Variants in CPLX2 observed in about 807,000 individuals in gnomAD.
The protein encoded by CPLX2 is complexin 2, also known as complexin-2.
Under a neutral mutation model 16.3 loss-of-function variants are expected in CPLX2, and 5 were observed. That is an observed-to-expected ratio of 0.31 (90% confidence interval 0.16 to 0.64). CPLX2 has a LOEUF of 0.64. Ranked by LOEUF, CPLX2 falls within the 30% of genes least tolerant of loss-of-function variation. The pLI, the probability that CPLX2 is intolerant of heterozygous loss-of-function variation, is 0.79. For synonymous variants in CPLX2, 89 were observed against 73.2 expected, an observed-to-expected ratio of 1.22 and a Z score of -1.10; for missense variants, 144 against 181.4, an observed-to-expected ratio of 0.79 and a Z score of 1.18.
intron 2 of CPLX2, among the ~76,000 whole-genome samples, chr5:175,814,867 C>T (rs1018340706): frequency 7.2e-5 from 11 of 152,158 alleles, no homozygotes; most frequent in African/African-American, 2.4e-4. Context: ...TGAGTCACAG[C>T]CCCAGGAGGG....
intron 2 of CPLX2, among the ~76,000 whole-genome samples, chr5:175,864,709 T>A (rs1759433760): frequency 6.6e-6 from 1 of 152,122 alleles, no homozygotes; most frequent in Non-Finnish European, 1.5e-5. Context: ...GCTCTCCATA[T>A]ATGTTAGATA....
chr5:175,807,837 T>G (rs1433295155), intron 1 of CPLX2, among the ~76,000 whole-genome samples: 1 of 152,190 alleles, frequency 6.6e-6, no homozygotes, highest in Non-Finnish European at 1.5e-5. Context: ...GTCTGAGGAT[T>G]GTGTTAGGAG....
chr5:175,827,476 C>T (rs1261948284), intron 2 of CPLX2, among the ~76,000 whole-genome samples: 3 of 152,136 alleles, frequency 2.0e-5, no homozygotes, highest in Non-Finnish European at 2.9e-5. Context: ...AGATGATGGC[C>T]GGGTGCAGTC....
chr5:175,799,564 A>ATATATATATT (rs1758053626), intron 1 of CPLX2, among the ~76,000 whole-genome samples: 2 of 143,842 alleles, frequency 1.4e-5, no homozygotes, highest in East Asian at 4.0e-4. Context: ...ATATATATAT[A>ATATATATATT]TATATATATA....
intron 2 of CPLX2, among the ~76,000 whole-genome samples, chr5:175,835,004 G>A (rs1758801937): frequency 6.6e-6 from 1 of 152,224 alleles, no homozygotes. Context: ...AAGGCCAGGG[G>A]GCAGGACCAC....
At chr5:175,807,816 G>T (rs1320100374) in intron 1 of CPLX2, among the ~76,000 whole-genome samples, 1 of 152,224 alleles carries the variant, frequency 6.6e-6, no homozygotes, top group East Asian at 1.9e-4. Context: ...GAAGAGGGGA[G>T]GGAAGTGGGG....
upstream of CPLX2, among the ~76,000 whole-genome samples, chr5:175,867,359 A>G (rs1581099578): frequency 6.6e-6 from 1 of 152,140 alleles, no homozygotes; most frequent in African/African-American, 2.4e-5. Flanking sequence ...ATGGTTACAC[A>G]GGACTACACC....
chr5:175,837,969 C>G (rs1375326963), intron 2 of CPLX2: 2 of 152,198 alleles, frequency 1.3e-5, no homozygotes, highest in African/African-American at 4.8e-5. Flanking sequence ...AAGGTAATTA[C>G]AGCTCGTGAT....
rs182919915 is a variant in CPLX2, at chr5:175,831,242, A to C, written c.-89+22174A>C. Among the ~76,000 whole-genome samples the C allele has an allele frequency of 2.4e-3, 358 of 152,316 alleles. 5 individuals carry two copies. Among genetic ancestry groups the C allele is most frequent in the Non-Finnish European group, 2.1e-3 (145 of 68,030 alleles). Reference sequence around the variant, plus strand: ...AATACATGGGCAGAATGTTAGAAGTAGGAAGAGCATTCGCTCTCTCCAGCT... The same window carrying C: ...AATACATGGGCAGAATGTTAGAAGTCGGAAGAGCATTCGCTCTCTCCAGCT... On this transcript the variant is annotated intron_variant, in intron 2 of 4. Coordinates refer to the CPLX2 transcript ENST00000359546.
At chr5:175,803,783 C>G (rs1758143500) in intron 1 of CPLX2, among the ~76,000 whole-genome samples, 1 of 152,234 alleles carries the variant, frequency 6.6e-6, no homozygotes, top group Non-Finnish European at 1.5e-5. Context: ...AGAGTGATCC[C>G]CTGGGCCCTC....
chr5:175,876,634 G>A (rs1317016446), intron 1 of CPLX2, among the ~76,000 whole-genome samples: 2 of 152,122 alleles, frequency 1.3e-5, no homozygotes, highest in Non-Finnish European at 1.5e-5. Context: ...GGAGAGAGAC[G>A]TGTCAGAATC....
intron 2 of CPLX2, among the ~76,000 whole-genome samples, chr5:175,818,910 A>G (rs1027829439): frequency 2.0e-5 from 3 of 151,572 alleles, no homozygotes; most frequent in Admixed American, 6.6e-5. Flanking sequence ...TGATCGGCCC[A>G]CCTCAGCCTC....
At chr5:175,871,325 GA>G (rs1456025844), upstream of CPLX2, among the ~76,000 whole-genome samples, 29 of 137,524 alleles carry the variant, frequency 2.1e-4, no homozygotes, top group Non-Finnish European at 4.4e-4. Context: ...AGAGGGGGAG[GA>G]ATGGAGGGAG....
Position 175,880,710 on chromosome 5 carries a change from C to T in CPLX2, c.*665C>T, listed in dbSNP as rs1374311122. ...AATGGATCCTTTGTGGACTTTAGCT[C>T]ATTTGTGGAGGAACCCCAGGTAGGG... On this transcript the variant is annotated 3_prime_UTR_variant, in exon 4 of 4. Coordinates refer to ENST00000393745, the MANE Select transcript of CPLX2 (RefSeq NM_001008220.2). 1 of 153,440 alleles carries T rather than the reference C, an allele frequency of 6.5e-6. No homozygotes were observed. The highest frequency in any genetic ancestry group is 2.4e-5 in the African/African-American group (1 of 41,438). The allele number at this position is 153,440 out of a possible 1,614,324, so 9.5% of individuals were successfully genotyped here.
At chr5:175,828,807 C>T (rs1051277069) in intron 2 of CPLX2, among the ~76,000 whole-genome samples, 8 of 152,170 alleles carry the variant, frequency 5.3e-5, no homozygotes, top group African/African-American at 1.7e-4. Flanking sequence ...GTGCATATTT[C>T]GAGGCTCCAG....
intron 2 of CPLX2, among the ~76,000 whole-genome samples, chr5:175,816,172 CTCTT>C (rs2113638949): frequency 6.6e-6 from 1 of 151,888 alleles, no homozygotes; most frequent in Non-Finnish European, 1.5e-5. Context: ...CTCACAGTCA[CTCTT>C]TTTTTTTTTT....
intron 2 of CPLX2, among the ~76,000 whole-genome samples, chr5:175,853,019 C>T (rs1225134236): frequency 6.6e-6 from 1 of 152,218 alleles, no homozygotes; most frequent in African/African-American, 2.4e-5. Context: ...TAGCCTCAGA[C>T]TGAGGGCCCA....
intron 1 of CPLX2, among the ~76,000 whole-genome samples, chr5:175,802,385 G>A (rs569485003): frequency 2.0e-4 from 30 of 152,312 alleles, no homozygotes; most frequent in Admixed American, 4.6e-4. Flanking sequence ...TTGGTAAAGT[G>A]CCTGGCAGAT....
chr5:175,869,170 C>T (rs949846884), upstream of CPLX2, among the ~76,000 whole-genome samples: 1 of 152,194 alleles, frequency 6.6e-6, no homozygotes, highest in Non-Finnish European at 1.5e-5. Context: ...CCTTTAATGG[C>T]TAAAGTGTCA....
Sources: gnomAD v4.1 joint callset for allele counts (sites outside exome capture counted in the v4.1 genomes callset) on GRCh38, gnomAD v4.1.1 for gene constraint, MANE v1.5 for transcripts, NCBI Gene and HGNC (gene_info 2026-07-23, HGNC 2026-07-21) for gene names.